NTRK3: variants seen among roughly 807,000 people sequenced by gnomAD.
NTRK3 encodes the protein NT-3 growth factor receptor.
Under a neutral mutation model 91.7 loss-of-function variants are expected in NTRK3, and 24 were observed. That is an observed-to-expected ratio of 0.26 (90% CI 0.19 to 0.37). The LOEUF is 0.37. Ranked by LOEUF, NTRK3 falls within the 10% of genes least tolerant of loss-of-function variation. The pLI is 1.00. For missense variants in NTRK3, 880 were observed against 1,068.9 expected, an observed-to-expected ratio of 0.82 and a Z score of 2.46; for synonymous variants, 483 against 404.0, an observed-to-expected ratio of 1.20 and a Z score of -2.34.
At position 88,011,987 on chromosome 15, in the gene NTRK3, C is replaced by T. The variant is rs1257716242; in HGVS notation, c.1585+20870G>A. 4.6e-4 allele frequency among the ~76,000 whole-genome samples: 70 copies of T among 152,188 alleles called. 1 individual carries two copies. Among genetic ancestry groups the T allele is most frequent in the Admixed American group, 4.4e-3 (67 of 15,284 alleles). On this transcript the variant is annotated intron_variant, in intron 14 of 18. Transcript: ENST00000394480. ...ACGAAGACCCAGTGAGGCAGATCCTCCCATTAGTCCCACCTTATGACAGAC... is the reference window on the plus strand; with the variant it reads ...ACGAAGACCCAGTGAGGCAGATCCTTCCATTAGTCCCACCTTATGACAGAC...
At chr15:87,938,690 G>C (rs919032913) in intron 15 of NTRK3, among the ~76,000 whole-genome samples, 2 of 152,148 alleles carry the variant, frequency 1.3e-5, no homozygotes. Flanking sequence ...GTGCAAAAAT[G>C]TTCAGTTCAT....
chr15:88,129,802 G>C (rs138786420), intron 10 of NTRK3, among the ~76,000 whole-genome samples: 1 of 152,266 alleles, frequency 6.6e-6, no homozygotes, highest in East Asian at 1.9e-4. Context: ...GATTGTTATG[G>C]ATTAGGATTA....
At chr15:88,091,791 G>A (rs2049041564) in intron 13 of NTRK3, among the ~76,000 whole-genome samples, 1 of 152,168 alleles carries the variant, frequency 6.6e-6, no homozygotes, top group African/African-American at 2.4e-5. Context: ...ATGGCTCTCA[G>A]ACACTTTTTA....
chr15:88,131,457 G>T (rs1049663018), intron 10 of NTRK3, among the ~76,000 whole-genome samples: 1 of 152,164 alleles, frequency 6.6e-6, no homozygotes, highest in Non-Finnish European at 1.5e-5. Flanking sequence ...TTGGGGGATG[G>T]TCACAGAACT....
At chr15:87,953,482 G>A (rs2071351553) in intron 14 of NTRK3, among the ~76,000 whole-genome samples, 1 of 152,222 alleles carries the variant, frequency 6.6e-6, no homozygotes, top group Non-Finnish European at 1.5e-5. Flanking sequence ...TAGTCTCTGG[G>A]AAGATCCCAG....
intron 13 of NTRK3, among the ~76,000 whole-genome samples, chr15:88,084,042 T>A (rs28395488): frequency 5.3e-5 from 8 of 151,660 alleles, no homozygotes; most frequent in African/African-American, 1.9e-4. Flanking sequence ...TATACTTAAC[T>A]CATCAACATG....
chr15:87,912,931 A>AATAT (rs58367924), intron 17 of NTRK3, among the ~76,000 whole-genome samples: 1,792 of 35,560 alleles, frequency 0.05, 99 homozygotes, highest in Non-Finnish European at 0.066. Flanking sequence ...AGTAAAAAAA[A>AATAT]ATATATATAT....
At chr15:88,150,855 C>T (rs906683859) in intron 5 of NTRK3, among the ~76,000 whole-genome samples, 1 of 152,314 alleles carries the variant, frequency 6.6e-6, no homozygotes, top group Admixed American at 6.5e-5. Flanking sequence ...GATAAATTCT[C>T]ATAGCGCAGG....
At position 88,124,391 on chromosome 15, in the gene NTRK3, C is replaced by T. The variant is rs116893927; in HGVS notation, c.1396+1880G>A. 2.4e-3 allele frequency among the ~76,000 whole-genome samples: 363 copies of T among 152,316 alleles called. 1 individual carries two copies. Among genetic ancestry groups the T allele is most frequent in the Admixed American group, 3.7e-3 (57 of 15,298 alleles). On this transcript the variant is annotated intron_variant, in intron 13 of 18. Coordinates refer to ENST00000394480, the Ensembl canonical transcript of NTRK3. Reference sequence around the variant, plus strand: ...CCTGGGTGCTGCCTAATCCATCCGACATGGGGACATGCTGTTCCAGAAACA... The same window carrying T: ...CCTGGGTGCTGCCTAATCCATCCGATATGGGGACATGCTGTTCCAGAAACA...
At chr15:88,190,221 T>C (rs1168314232) in intron 3 of NTRK3, among the ~76,000 whole-genome samples, 1 of 152,216 alleles carries the variant, frequency 6.6e-6, no homozygotes, top group African/African-American at 2.4e-5. Flanking sequence ...TCACTGCTAT[T>C]AATGAGCTCT....
At chr15:88,055,501 A>G (rs573794716) in intron 13 of NTRK3, among the ~76,000 whole-genome samples, 2 of 152,346 alleles carry the variant, frequency 1.3e-5, no homozygotes, top group South Asian at 4.1e-4. Flanking sequence ...CATCATCATT[A>G]TAATCTTCAT....
intron 13 of NTRK3, among the ~76,000 whole-genome samples, chr15:88,114,005 A>AC (rs561132913): frequency 0.039 from 5,859 of 151,114 alleles, 117 homozygotes; most frequent in Non-Finnish European, 0.049. Flanking sequence ...TTTAATCAGT[A>AC]CCCCCCCCAC....
At chr15:87,885,585 G>A in intron 17 of NTRK3, 109 bp downstream of exon 18, 5 of 596,666 alleles carry the variant, frequency 8.4e-6, no homozygotes, top group South Asian at 2.8e-5. Flanking sequence ...AGAGTCCAGA[G>A]GCAGACCCAT....
chr15:87,990,412 G>C (rs932439206), intron 14 of NTRK3, among the ~76,000 whole-genome samples: 1 of 152,122 alleles, frequency 6.6e-6, no homozygotes, highest in Non-Finnish European at 1.5e-5. Flanking sequence ...GGAACCCAGC[G>C]TAACAATGAA....
chr15:87,864,482 T>C (rs1409543502), exon 19 of NTRK3: 2 of 229,862 alleles, frequency 8.7e-6, no homozygotes, highest in Middle Eastern at 1.3e-3. Flanking sequence ...CCAAATGATA[T>C]CTCTGAAATC....
intron 3 of NTRK3, among the ~76,000 whole-genome samples, chr15:88,204,078 G>C (rs919288536): frequency 1.3e-5 from 2 of 152,100 alleles, no homozygotes; most frequent in African/African-American, 4.8e-5. Context: ...TCCTCTCCTT[G>C]TGTCCGTGTG....
chr15:88,171,376 A>C (rs1597739161), intron 5 of NTRK3, among the ~76,000 whole-genome samples: 1 of 152,240 alleles, frequency 6.6e-6, no homozygotes, highest in Middle Eastern at 3.4e-3. Flanking sequence ...GAAGACATGG[A>C]GGGTCTCTGC....
chr15:87,975,317 C>T (rs2073629418), intron 14 of NTRK3, among the ~76,000 whole-genome samples: 1 of 152,130 alleles, frequency 6.6e-6, no homozygotes, highest in East Asian at 1.9e-4. Context: ...ATTCTCTGAG[C>T]TTCAGAACCA....
intron 13 of NTRK3, among the ~76,000 whole-genome samples, chr15:88,087,421 A>G (rs1299363526): frequency 6.6e-6 from 1 of 152,086 alleles, no homozygotes; most frequent in Non-Finnish European, 1.5e-5. Flanking sequence ...CCCTCTTGCT[A>G]GAGGAACCAT....
Sources: gnomAD v4.1 joint callset for allele counts (sites outside exome capture counted in the v4.1 genomes callset) on GRCh38, gnomAD v4.1.1 for gene constraint, MANE v1.5 for transcripts, NCBI Gene and HGNC (gene_info 2026-07-23, HGNC 2026-07-21) for gene names.